CLMN: variants seen among roughly 807,000 people sequenced by gnomAD.
CLMN encodes the protein calmin (calponin-like, transmembrane).
A neutral mutation model predicts 92.7 loss-of-function variants in CLMN; 57 were observed. That is an observed-to-expected ratio of 0.61 (90% CI 0.50 to 0.77). CLMN has a LOEUF of 0.77. CLMN is among the 30% of genes least tolerant of loss of function. CLMN has a pLI of 0.00. For synonymous variants in CLMN, 466 were observed against 470.6 expected (o/e 0.99, Z 0.13); for missense variants, 1,158 against 1,237.5 (o/e 0.94, Z 0.96).
chr14:95,276,377 C>T (rs957061427), intron 1 of CLMN, among the ~76,000 whole-genome samples: 2 of 152,172 alleles, frequency 1.3e-5, no homozygotes, highest in Admixed American at 6.5e-5. Flanking sequence ...TGCCTTTGCG[C>T]TCTTTGCTGT....
chr14:95,257,671 C>T (rs1362735693), intron 1 of CLMN, among the ~76,000 whole-genome samples: 1 of 152,198 alleles, frequency 6.6e-6, no homozygotes, highest in Non-Finnish European at 1.5e-5. Context: ...TCTCACACCC[C>T]AGCCACGTGG....
At position 95,220,867 on chromosome 14, in the gene CLMN, G is replaced by A. The variant is rs182553579; in HGVS notation, c.324+824C>T. 5.7e-3 allele frequency among the ~76,000 whole-genome samples: 871 copies of A among 152,332 alleles called. 6 individuals carry two copies. Among genetic ancestry groups the A allele is most frequent in the South Asian group, 0.017 (83 of 4,828 alleles). On this transcript the variant is annotated intron_variant, in intron 4 of 12. Coordinates refer to ENST00000298912, the MANE Select transcript of CLMN (RefSeq NM_024734.4). Reference sequence around the variant, plus strand: ...GAGGTTGCAGGGGCAGGGCGGTGAGGGCATGTCCTGCCGTCTCTTCAGGGG... The same window carrying A: ...GAGGTTGCAGGGGCAGGGCGGTGAGAGCATGTCCTGCCGTCTCTTCAGGGG...
chr14:95,200,843 G>T (rs968969285), intron 9 of CLMN, among the ~76,000 whole-genome samples: 10 of 152,014 alleles, frequency 6.6e-5, no homozygotes, highest in Non-Finnish European at 1.3e-4. Context: ...ATCAAAACTG[G>T]AGTCAAACAT....
chr14:95,277,329 A>C lies in CLMN; in HGVS notation c.82+42382T>G, dbSNP rs544691894. 4.2e-4 allele frequency among the ~76,000 whole-genome samples: 64 copies of C among 152,124 alleles called. 2 individuals carry two copies. Among genetic ancestry groups the C allele is most frequent in the Non-Finnish European group, 3.4e-4 (23 of 68,020 alleles). The stretch of plus-strand genomic sequence containing the variant: ...GCTGACCCAGCACTGATCAACTATA[A>C]ACTTTGCTGCTGCAGGTCCCTGAAA... On this transcript the variant is annotated intron_variant, in intron 1 of 12. Transcript: ENST00000298912.
chr14:95,292,059 G>A (rs867962747), intron 1 of CLMN, among the ~76,000 whole-genome samples: 9 of 152,350 alleles, frequency 5.9e-5, no homozygotes, highest in South Asian at 2.1e-4. Flanking sequence ...CTGCAAGCCC[G>A]AGAGGAAGGT....
At chr14:95,230,386 C>T (rs1334747958) in intron 1 of CLMN, among the ~76,000 whole-genome samples, 1 of 152,202 alleles carries the variant, frequency 6.6e-6, no homozygotes, top group Non-Finnish European at 1.5e-5. Context: ...TTCTCTACAA[C>T]CCAATTCAAA....
intron 1 of CLMN, among the ~76,000 whole-genome samples, chr14:95,302,422 C>A (rs1243577847): frequency 6.6e-6 from 1 of 152,232 alleles, no homozygotes; most frequent in East Asian, 1.9e-4. Context: ...ACATGAGCCA[C>A]ACACAAAATG....
At position 95,191,560 on chromosome 14, in the gene CLMN, C is replaced by T. The variant is rs138184217; in HGVS notation, c.*4G>A. 580 of 1,608,188 alleles carry T rather than the reference C, an allele frequency of 3.6e-4. 2 individuals are homozygous for T. The East Asian group carries it at 7.8e-3, about 22-fold the overall frequency. On this transcript the variant is annotated 3_prime_UTR_variant, in exon 13 of 13. Coordinates refer to ENST00000298912, the MANE Select transcript of CLMN (RefSeq NM_024734.4). The surrounding 1 kb of genome is among the most constrained non-coding windows in gnomAD (Gnocchi z 5.3). ...CTGTCTTTTTTATTATCCAGACACA[C>T]GTATCAGAGCCTGCTAACATCCAGT...
chr14:95,193,505 G>A (rs1266785152), intron 12 of CLMN: 3 of 841,378 alleles, frequency 3.6e-6, no homozygotes, highest in Non-Finnish European at 5.5e-6. Context: ...CTCTTCTCCT[G>A]CCTGGCCGTC....
At chr14:95,242,791 A>T (rs1292773271) in intron 1 of CLMN, among the ~76,000 whole-genome samples, 6 of 136,830 alleles carry the variant, frequency 4.4e-5, no homozygotes, top group East Asian at 4.5e-4. Flanking sequence ...ATGGTCTCGA[A>T]CTCCAGACCT....
In CLMN at chr14:95,191,830, C is replaced by T. The variant is rs949548788; in HGVS notation, c.2841-98G>A. 5.6e-5 allele frequency: 68 copies of T among 1,203,738 alleles called. No individual in the cohort carries two copies. The African/African-American group carries it at 8.7e-4, about 15-fold the overall frequency. 74.6% of individuals were successfully genotyped at this position (1,203,738 alleles called of 1,614,324 possible). A position where few individuals can be genotyped will look rare whatever the true frequency, so the allele number is the denominator to read the frequency against. On this transcript the variant is annotated intron_variant, in intron 12 of 12. Transcript: ENST00000298912. This position sits in a 1 kb window ranked among gnomAD's most constrained non-coding sequence, Gnocchi z 5.3. The stretch of plus-strand genomic sequence containing the variant: ...CCGTCTCTCCCCGGCCCCCACTCCC[C>T]GCCTGAAGACCCGAAGGCTCCCCAG...
intron 1 of CLMN, among the ~76,000 whole-genome samples, chr14:95,301,157 A>G (rs914146772): frequency 6.6e-6 from 1 of 152,194 alleles, no homozygotes; most frequent in Admixed American, 6.5e-5. Context: ...TATTACATCA[A>G]CTATTGATTT....
chr14:95,264,506 T>C (rs1374166667), intron 1 of CLMN, among the ~76,000 whole-genome samples: 1 of 152,058 alleles, frequency 6.6e-6, no homozygotes, highest in Non-Finnish European at 1.5e-5. Flanking sequence ...GAGGGCTCAA[T>C]AAATGGCTAG....
intron 4 of CLMN, among the ~76,000 whole-genome samples, chr14:95,215,952 C>A (rs1897332258): frequency 6.6e-6 from 1 of 151,974 alleles, no homozygotes; most frequent in African/African-American, 2.4e-5. Flanking sequence ...ACAGCACTTA[C>A]CATATGCAGC....
At chr14:95,239,903 G>C (rs1898186967) in intron 1 of CLMN, among the ~76,000 whole-genome samples, 1 of 152,152 alleles carries the variant, frequency 6.6e-6, no homozygotes, top group Non-Finnish European at 1.5e-5. Context: ...GATTATAATG[G>C]AGCTGTCTTA....
intron 1 of CLMN, among the ~76,000 whole-genome samples, chr14:95,297,588 T>C (rs1393735185): frequency 6.6e-6 from 1 of 152,216 alleles, no homozygotes; most frequent in Admixed American, 6.5e-5. Flanking sequence ...CTCCAAGCTG[T>C]CATATACATG....
In CLMN at chr14:95,194,405, GCTTGT is replaced by G; in HGVS notation, c.2769+126_2769+130del. ...GTGCTTAATGATAAGGTTCCAATCT[GCTTGT>G]CTTCTATCCAAAAGTATAGCTGTTG... On this transcript the variant is annotated intron_variant, in intron 11 of 12. Transcript: ENST00000298912. The surrounding 1 kb of genome is among the most constrained non-coding windows in gnomAD (Gnocchi z 4.0). 1 of 1,538,222 alleles carries G rather than the reference GCTTGT, an allele frequency of 6.5e-7. No individual in the cohort carries two copies. Among genetic ancestry groups the G allele is most frequent in the East Asian group, 2.4e-5 (1 of 41,464 alleles).
At chr14:95,306,374 A>T (rs1901277244) in intron 1 of CLMN, among the ~76,000 whole-genome samples, 1 of 152,126 alleles carries the variant, frequency 6.6e-6, no homozygotes, top group Non-Finnish European at 1.5e-5. Context: ...TTAGCTGGGC[A>T]TGGTGGTGCA....
chr14:95,314,412 A>G (rs1395770364), intron 1 of CLMN, among the ~76,000 whole-genome samples: 1 of 152,082 alleles, frequency 6.6e-6, no homozygotes, highest in Non-Finnish European at 1.5e-5. Context: ...CCAGAGTCAC[A>G]CACCAGCCAT....
Sources: allele counts gnomAD v4.1 joint callset (sites outside exome capture counted in the v4.1 genomes callset), GRCh38; gene constraint gnomAD v4.1.1; non-coding constraint Gnocchi (gnomAD v3.1); transcripts MANE v1.5; gene names NCBI Gene and HGNC (gene_info 2026-07-23, HGNC 2026-07-21).